REC114: variants seen among roughly 807,000 people sequenced by gnomAD.
The protein encoded by REC114 is REC114 meiotic recombination protein, also known as meiotic recombination protein REC114.
In REC114, 27 loss-of-function variants were observed where a neutral mutation model predicts 31.3. The observed-to-expected ratio is 0.86, with a 90% CI of 0.64 to 1.19. The LOEUF is 1.19. REC114 is among the 50% of genes most tolerant of loss of function. The pLI, the probability that REC114 is intolerant of heterozygous loss-of-function variation, is 0.00. For missense variants in REC114, 344 were observed against 326.9 expected, an observed-to-expected ratio of 1.05 and a Z score of -0.40; for synonymous variants, 134 against 127.7, an observed-to-expected ratio of 1.05 and a Z score of -0.33.
intron 2 of REC114, among the ~76,000 whole-genome samples, chr15:73,532,455 G>A (rs1894098980): frequency 6.6e-6 from 1 of 151,340 alleles, no homozygotes. Context: ...ACGTGTGCAT[G>A]TGTCTTTATA....
chr15:73,498,179 G>C (rs752097136), intron 2 of REC114, among the ~76,000 whole-genome samples: 86 of 151,074 alleles, frequency 5.7e-4, no homozygotes, highest in Admixed American at 1.6e-3. Flanking sequence ...TTCCGAGTTT[G>C]CTTTGTGAGT....
intron 2 of REC114, among the ~76,000 whole-genome samples, chr15:73,504,108 G>A (rs549506340): frequency 1.4e-5 from 2 of 146,536 alleles, no homozygotes; most frequent in South Asian, 4.4e-4. Flanking sequence ...TCAGGTTCAA[G>A]CGATTCTCCT....
chr15:73,499,683 C>T (rs377601517), intron 2 of REC114, among the ~76,000 whole-genome samples: 6 of 152,116 alleles, frequency 3.9e-5, no homozygotes, highest in African/African-American at 1.2e-4. Context: ...AGCTCCCAAT[C>T]GCCTTAGAAT....
intron 2 of REC114, among the ~76,000 whole-genome samples, chr15:73,525,552 T>C (rs982572982): frequency 6.6e-6 from 1 of 152,096 alleles, no homozygotes; most frequent in African/African-American, 2.4e-5. Flanking sequence ...TCATTCAGTT[T>C]AAAATGTTTT....
chr15:73,520,214 T>C (rs1057368372), intron 2 of REC114, among the ~76,000 whole-genome samples: 1 of 148,438 alleles, frequency 6.7e-6, no homozygotes, highest in Non-Finnish European at 1.5e-5. Flanking sequence ...ATTGTATCTC[T>C]TTTTTTTTTC....
chr15:73,536,445 C>T (rs1894157880), intron 2 of REC114, among the ~76,000 whole-genome samples: 1 of 152,114 alleles, frequency 6.6e-6, no homozygotes, highest in Admixed American at 6.6e-5. Flanking sequence ...AGCACAGTGG[C>T]CAGCTGTGGT....
intron 2 of REC114, among the ~76,000 whole-genome samples, chr15:73,484,574 T>C (rs1893341104): frequency 1.3e-5 from 2 of 152,216 alleles, no homozygotes; most frequent in Non-Finnish European, 2.9e-5. Flanking sequence ...CCTCTAAAGA[T>C]CTACCTTTTG....
chr15:73,520,375 CGTGT>C (rs1345005935), intron 2 of REC114, among the ~76,000 whole-genome samples: 1 of 152,048 alleles, frequency 6.6e-6, no homozygotes, highest in Non-Finnish European at 1.5e-5. Context: ...GGATTACAGG[CGTGT>C]GCCACCACAC....
intron 2 of REC114, among the ~76,000 whole-genome samples, chr15:73,491,479 TAA>T (rs1202229645): frequency 6.6e-6 from 1 of 152,228 alleles, no homozygotes; most frequent in African/African-American, 2.4e-5. Context: ...CATTTATATA[TAA>T]GTCTTTGTGT....
intron 2 of REC114, among the ~76,000 whole-genome samples, chr15:73,493,773 C>T (rs1893478040): frequency 6.6e-6 from 1 of 152,236 alleles, no homozygotes; most frequent in African/African-American, 2.4e-5. Flanking sequence ...TTGCTAGCCA[C>T]AATGCCAGTT....
At chr15:73,450,646 C>T (rs1892832320) in intron 1 of REC114, among the ~76,000 whole-genome samples, 1 of 152,206 alleles carries the variant, frequency 6.6e-6, no homozygotes. Context: ...TAATAGACAT[C>T]TACAGAACTC....
At position 73,468,679 on chromosome 15, in the gene REC114, T is replaced by G. The variant is rs1207672650; in HGVS notation, c.160-5153T>G. On this transcript the variant is annotated intron_variant, in intron 1 of 5. Transcript: ENST00000331090. ...GCTTTCAGTATGAAGTTAGCTGTAG[T>G]TTTTTTTTTTTTTTTAATAGATGCC... Among the ~76,000 whole-genome samples the G allele has an allele frequency of 3.0e-5, 3 of 99,726 alleles. No homozygotes were observed. In the East Asian group the frequency reaches 7.6e-4, roughly 25 times the overall value. The allele number at this position is 99,726 out of a possible 152,430, so 65.4% of individuals were successfully genotyped here.
intron 2 of REC114, among the ~76,000 whole-genome samples, chr15:73,487,836 G>C (rs969880272): frequency 5.9e-5 from 9 of 152,202 alleles, no homozygotes; most frequent in African/African-American, 2.2e-4. Flanking sequence ...CATTGCCCTG[G>C]TGGGGGCTAT....
At chr15:73,554,344 G>T (rs561308212) in intron 4 of REC114, among the ~76,000 whole-genome samples, 1 of 152,104 alleles carries the variant, frequency 6.6e-6, no homozygotes, top group African/African-American at 2.4e-5. Context: ...CGTCTTAAGC[G>T]GCACAAGCCA....
At chr15:73,515,488 G>T (rs771436162) in intron 2 of REC114, among the ~76,000 whole-genome samples, 2 of 152,094 alleles carry the variant, frequency 1.3e-5, no homozygotes, top group Non-Finnish European at 2.9e-5. Context: ...GGCCTGAATT[G>T]TGTCTCTGCC....
intron 1 of REC114, among the ~76,000 whole-genome samples, chr15:73,470,680 A>G (rs1257159196): frequency 6.6e-6 from 1 of 152,262 alleles, no homozygotes; most frequent in African/African-American, 2.4e-5. Flanking sequence ...ACAAGTAAAT[A>G]TAACAAAGTG....
intron 5 of REC114, among the ~76,000 whole-genome samples, chr15:73,558,964 G>A (rs1456485206): frequency 6.6e-6 from 1 of 152,156 alleles, no homozygotes; most frequent in Non-Finnish European, 1.5e-5. Flanking sequence ...TACTTATTCA[G>A]CAATAAAAAT....
At chr15:73,551,778 C>T (rs575113347) in intron 4 of REC114, among the ~76,000 whole-genome samples, 1 of 152,154 alleles carries the variant, frequency 6.6e-6, no homozygotes, top group South Asian at 2.1e-4. Flanking sequence ...GACATTTTCT[C>T]AAAAATCAGT....
At chr15:73,454,049 A>T (rs568873683) in intron 1 of REC114, among the ~76,000 whole-genome samples, 339 of 152,266 alleles carry the variant, frequency 2.2e-3, no homozygotes, top group African/African-American at 7.9e-3. Flanking sequence ...GCAAACCACC[A>T]TAGCACGTGT....
Sources: gnomAD v4.1 joint callset for allele counts (sites outside exome capture counted in the v4.1 genomes callset) on GRCh38, gnomAD v4.1.1 for gene constraint, MANE v1.5 for transcripts, NCBI Gene and HGNC (gene_info 2026-07-23, HGNC 2026-07-21) for gene names.